The following ZNF407 variants were observed in gnomAD, a reference collection of about 807,000 sequenced individuals.
ZNF407 encodes the protein zinc finger protein 407.
In ZNF407, 17 loss-of-function variants were observed where a neutral mutation model predicts 131.2. The observed-to-expected ratio is 0.13, with a 90% CI of 0.09 to 0.19. The LOEUF is 0.19. ZNF407 is among the 10% of genes least tolerant of loss of function. ZNF407 has a pLI of 1.00. For synonymous variants in ZNF407, 1,156 were observed against 1,062.0 expected, an observed-to-expected ratio of 1.09 and a Z score of -1.72; for missense variants, 2,681 against 2,830.6, an observed-to-expected ratio of 0.95 and a Z score of 1.20.
chr18:74,903,379 C>T (rs914894321), intron 7 of ZNF407, among the ~76,000 whole-genome samples: 18 of 152,004 alleles, frequency 1.2e-4, no homozygotes, highest in African/African-American at 3.4e-4. Flanking sequence ...TTCTAGACAA[C>T]GTATTTCAAG....
At chr18:75,060,830 A>G (rs1021747868) in intron 8 of ZNF407, among the ~76,000 whole-genome samples, 10 of 152,108 alleles carry the variant, frequency 6.6e-5, no homozygotes, top group Admixed American at 3.3e-4. Context: ...ACAAAATTCC[A>G]TACCCTTTCT....
rs1370928992 is a variant in ZNF407, at chr18:74,754,869, T to A, written c.4803-26559T>A. ...TTCTGTAGATGTCTATTAGATCCGC[T>A]TGGTGCAGAGCTGAGTTCAATCCCG... On this transcript the variant is annotated intron_variant, in intron 3 of 8. Transcript: ENST00000299687. Among the ~76,000 whole-genome samples, 3 of 152,330 alleles carry A rather than the reference T, an allele frequency of 2.0e-5. No individual in the cohort carries two copies. The East Asian group carries it at 5.8e-4, about 29-fold the overall frequency.
intron 8 of ZNF407, among the ~76,000 whole-genome samples, chr18:74,961,481 G>A (rs769244124): frequency 3.3e-5 from 5 of 152,168 alleles, no homozygotes; most frequent in Non-Finnish European, 5.9e-5. Flanking sequence ...CACTTTGGGA[G>A]GCCAAGGCCG....
chr18:74,630,075 T>TGTG, intron 1 of ZNF407, among the ~76,000 whole-genome samples: 1 of 152,178 alleles, frequency 6.6e-6, no homozygotes, highest in East Asian at 1.9e-4. Context: ...TGGTGATATG[T>TGTG]AATGAGATTA....
intron 6 of ZNF407, among the ~76,000 whole-genome samples, chr18:74,888,925 A>T (rs982556907): frequency 2.0e-5 from 3 of 152,210 alleles, no homozygotes; most frequent in African/African-American, 7.2e-5. Flanking sequence ...ACGTTCACAC[A>T]CACACATAGG....
intron 8 of ZNF407, among the ~76,000 whole-genome samples, chr18:74,938,459 C>T (rs73476469): frequency 6.6e-6 from 1 of 152,120 alleles, no homozygotes; most frequent in African/African-American, 2.4e-5. Context: ...GACGCTCTGT[C>T]TCTTTGACAC....
rs112051324 is a variant in ZNF407 at position 74,826,390 on chromosome 18, A to T, written c.4877+44888A>T. Among the ~76,000 whole-genome samples the T allele has an allele frequency of 5.6e-3, 846 of 152,300 alleles. 5 individuals are homozygous for T. The highest frequency in any genetic ancestry group is 0.019 in the African/African-American group (777 of 41,566). ...GTCATAACTTGTCAAAGTTACATGTAATACTCTTCTCAAGGTTGATCTCTT... is the reference window on the plus strand; with the variant it reads ...GTCATAACTTGTCAAAGTTACATGTTATACTCTTCTCAAGGTTGATCTCTT... On this transcript the variant is annotated intron_variant, in intron 4 of 8. Coordinates refer to ENST00000299687, the MANE Select transcript of ZNF407 (RefSeq NM_017757.3).
chr18:74,656,520 C>G (rs1290718627), intron 3 of ZNF407, among the ~76,000 whole-genome samples: 1 of 152,116 alleles, frequency 6.6e-6, no homozygotes, highest in Non-Finnish European at 1.5e-5. Flanking sequence ...TTAGTCCTGT[C>G]CCCTCTGGCG....
intron 8 of ZNF407, among the ~76,000 whole-genome samples, chr18:74,955,352 G>A (rs1399558551): frequency 6.6e-6 from 1 of 152,176 alleles, no homozygotes; most frequent in Non-Finnish European, 1.5e-5. Flanking sequence ...CCTGGGAATT[G>A]AGAGAGTTCA....
chr18:74,885,774 T>G (rs1051803601), intron 6 of ZNF407, among the ~76,000 whole-genome samples: 24 of 152,190 alleles, frequency 1.6e-4, no homozygotes, highest in Non-Finnish European at 2.8e-4. Flanking sequence ...GCAATGAAAA[T>G]GAACTTTGAC....
intron 8 of ZNF407, among the ~76,000 whole-genome samples, chr18:75,001,613 T>C (rs1226964388): frequency 6.6e-6 from 1 of 152,180 alleles, no homozygotes; most frequent in East Asian, 1.9e-4. Context: ...CCAGCACACA[T>C]GATGGAATCT....
chr18:75,062,613 T>G (rs1237561349), intron 8 of ZNF407: 1 of 152,294 alleles, frequency 6.6e-6, no homozygotes, highest in Non-Finnish European at 1.5e-5. Context: ...TTTGTTGCAT[T>G]AAACTTTTAC....
chr18:74,776,374 T>A (rs1056960605), intron 3 of ZNF407, among the ~76,000 whole-genome samples: 32 of 152,212 alleles, frequency 2.1e-4, no homozygotes, highest in Non-Finnish European at 3.5e-4. Context: ...CTGAGTCCTG[T>A]AAGCATTTTC....
chr18:74,758,335 A>C lies in ZNF407; in HGVS notation c.4803-23093A>C, dbSNP rs139675390. Among the ~76,000 whole-genome samples the C allele has an allele frequency of 3.7e-4, 57 of 152,148 alleles. 1 individual carries two copies. The highest frequency in any genetic ancestry group is 3.4e-3 in the Middle Eastern group (1 of 294). ...GTATATGTATGCATGTGTGTGTATA[A>C]ATTTTCTTAATTCTTAACCTAGGGA... On this transcript the variant is annotated intron_variant, in intron 3 of 8. Coordinates refer to ENST00000299687, the MANE Select transcript of ZNF407 (RefSeq NM_017757.3).
intron 3 of ZNF407, among the ~76,000 whole-genome samples, chr18:74,770,921 A>G (rs1969347704): frequency 6.6e-6 from 1 of 152,182 alleles, no homozygotes; most frequent in Non-Finnish European, 1.5e-5. Context: ...TAAGCAAAAA[A>G]TTCTAACTTT....
At chr18:74,623,927 G>A (rs1983676733) in intron 1 of ZNF407, among the ~76,000 whole-genome samples, 1 of 152,152 alleles carries the variant, frequency 6.6e-6, no homozygotes, top group Non-Finnish European at 1.5e-5. Flanking sequence ...TGTGTGGAAA[G>A]GGAATTGATG....
rs867649435 is a variant in ZNF407, at chr18:75,063,500, G to A, written c.5779G>A (p.Gly1927Arg). ...SGAHVGSVVP[G>R]PILPEQLADG... ...GGCACATGTAGGCAGCGTGGTGCCC[G>A]GACCCATCCTCCCCGAGCAGCTGGC... Residue 1927 changes from glycine to arginine, a missense_variant, in exon 9 of 9, where the codon GGA becomes AGA. Physicochemically the swap from Gly to Arg is moderately radical, Grantham distance 125. This residue lies in a region of ZNF407 where 620 missense variants were observed against 583.1 expected (regional missense o/e 1.06). Transcript: ENST00000299687. This position sits in a 1 kb window ranked among gnomAD's most constrained non-coding sequence, Gnocchi z 6.6. 16 of 1,591,716 alleles carry A rather than the reference G, an allele frequency of 1.0e-5. No homozygotes were observed. The highest frequency in any genetic ancestry group is 1.4e-5 in the Non-Finnish European group (16 of 1,170,754).
chr18:74,924,813 T>C (rs963640262), intron 8 of ZNF407, among the ~76,000 whole-genome samples: 6 of 152,038 alleles, frequency 3.9e-5, no homozygotes, highest in African/African-American at 1.4e-4. Flanking sequence ...GATGTTTTTT[T>C]CTCATCATTT....
intron 7 of ZNF407, among the ~76,000 whole-genome samples, chr18:74,904,188 T>C (rs902921313): frequency 6.6e-6 from 1 of 152,212 alleles, no homozygotes; most frequent in Non-Finnish European, 1.5e-5. Flanking sequence ...TCTGCTCCCA[T>C]TGTAAGGCAT....
Sources: allele counts gnomAD v4.1 joint callset (sites outside exome capture counted in the v4.1 genomes callset), GRCh38; gene constraint gnomAD v4.1.1; regional missense constraint gnomAD v4.1.1; non-coding constraint Gnocchi (gnomAD v3.1); transcripts MANE v1.5; gene names NCBI Gene and HGNC (gene_info 2026-07-23, HGNC 2026-07-21).